CUX2: variants seen among roughly 807,000 people sequenced by gnomAD.
The protein encoded by CUX2 is cut like homeobox 2.
In CUX2, 40 loss-of-function variants were observed where a neutral mutation model predicts 144.8. That is an observed-to-expected ratio of 0.28 (90% CI 0.21 to 0.36). The LOEUF (loss-of-function observed/expected upper bound fraction) is 0.36. CUX2 is among the 10% of genes least tolerant of loss of function. CUX2 has a pLI of 1.00. For synonymous variants in CUX2, 827 were observed against 875.6 expected (o/e 0.94, Z 0.98); for missense variants, 1,615 against 1,994.0 (o/e 0.81, Z 3.62).
At chr12:111,044,369 C>A (rs1392824623) in intron 1 of CUX2, among the ~76,000 whole-genome samples, 2 of 151,926 alleles carry the variant, frequency 1.3e-5, no homozygotes, top group East Asian at 3.9e-4. Context: ...CTCATCCTAT[C>A]CCCCTCCCGT....
At chr12:111,051,091 A>G (rs1045294527) in intron 1 of CUX2, among the ~76,000 whole-genome samples, 1 of 152,240 alleles carries the variant, frequency 6.6e-6, no homozygotes, top group Non-Finnish European at 1.5e-5. Context: ...GAAATATTAC[A>G]TGTATCTCAT....
chr12:111,261,154 A>G (rs1306498383), intron 3 of CUX2, among the ~76,000 whole-genome samples: 1 of 152,064 alleles, frequency 6.6e-6, no homozygotes, highest in Admixed American at 6.6e-5. Context: ...GAATCCCCAG[A>G]CCTGGTGTGA....
Position 111,263,615 on chromosome 12 carries a change from ACTCT to A in CUX2, c.223-140_223-137del, listed in dbSNP as rs372843395. 1.4e-6 allele frequency: 1 copy of A among 708,566 alleles called. No homozygotes were observed. Among genetic ancestry groups the A allele is most frequent in the Middle Eastern group, 2.6e-4 (1 of 3,832 alleles). The allele number at this position is 708,566 out of a possible 1,614,324, so 43.9% of individuals were successfully genotyped here. A position where few individuals can be genotyped will look rare whatever the true frequency, so the allele number is the denominator to read the frequency against. ...ACTCCAGCCTGGGCGACAGAGCAAGACTCTCTCTCAAAAACAAAACAAAACAAAA... is the reference window on the plus strand; with the variant it reads ...ACTCCAGCCTGGGCGACAGAGCAAGACTCTCAAAAACAAAACAAAACAAAA... On this transcript the variant is annotated intron_variant, in intron 3 of 21. Transcript: ENST00000261726. This position sits in a 1 kb window ranked among gnomAD's most constrained non-coding sequence, Gnocchi z 4.0.
chr12:111,338,768 G>A lies in CUX2; in HGVS notation c.3385+294G>A, dbSNP rs180785982. On this transcript the variant is annotated intron_variant, in intron 20 of 21. Coordinates refer to ENST00000261726, the MANE Select transcript of CUX2 (RefSeq NM_015267.4). ...CAGATCACTTGGGAGGCTAAGGCAG[G>A]AGGATTGCTTGAGGATCACTTGGGA... 1.3e-3 allele frequency among the ~76,000 whole-genome samples: 196 copies of A among 152,166 alleles called. No homozygotes were observed. The Middle Eastern group carries it at 0.037, about 29-fold the overall frequency.
intron 1 of CUX2, among the ~76,000 whole-genome samples, chr12:111,072,043 T>C (rs1338599603): frequency 1.3e-5 from 2 of 152,232 alleles, no homozygotes; most frequent in Non-Finnish European, 2.9e-5. Flanking sequence ...TGAAGTTCAG[T>C]AGTGTCAGTC....
At chr12:111,134,952 G>A (rs552294759) in intron 1 of CUX2, among the ~76,000 whole-genome samples, 1 of 152,238 alleles carries the variant, frequency 6.6e-6, no homozygotes, top group Non-Finnish European at 1.5e-5. Flanking sequence ...GGAGAGTAGG[G>A]CAAGGTATTT....
chr12:111,285,609 C>T (rs546853983), intron 4 of CUX2, among the ~76,000 whole-genome samples: 1 of 152,302 alleles, frequency 6.6e-6, no homozygotes, highest in East Asian at 1.9e-4. Flanking sequence ...TCAAGCACCC[C>T]ATTCTGCCAA....
At chr12:111,297,688 C>T (rs562839496) in intron 8 of CUX2, among the ~76,000 whole-genome samples, 2 of 152,316 alleles carry the variant, frequency 1.3e-5, no homozygotes, top group South Asian at 4.1e-4. Context: ...TGCTGTTTAT[C>T]CAGTGCTGTT....
intron 16 of CUX2, among the ~76,000 whole-genome samples, chr12:111,318,880 G>T (rs934194983): frequency 2.6e-5 from 4 of 151,994 alleles, no homozygotes; most frequent in Admixed American, 2.0e-4. Flanking sequence ...GCCCAGGCTG[G>T]TCTCGAACTC....
chr12:111,280,140 C>G (rs543597803), intron 4 of CUX2, among the ~76,000 whole-genome samples: 69 of 151,892 alleles, frequency 4.5e-4, no homozygotes, highest in Non-Finnish European at 8.8e-5. Context: ...AATACAAAAA[C>G]TAGCTGGGCA....
chr12:111,060,092 C>T (rs984719305), intron 1 of CUX2, among the ~76,000 whole-genome samples: 3 of 152,048 alleles, frequency 2.0e-5, no homozygotes, highest in East Asian at 1.9e-4. Context: ...TTATTGAAAC[C>T]GAATCATGAC....
At chr12:111,238,116 G>T (rs996698630) in intron 3 of CUX2, among the ~76,000 whole-genome samples, 1 of 152,308 alleles carries the variant, frequency 6.6e-6, no homozygotes, top group Non-Finnish European at 1.5e-5. Context: ...ACTGCCTTGG[G>T]AAGGCCTTCA....
intron 10 of CUX2, among the ~76,000 whole-genome samples, chr12:111,306,533 G>T (rs555431940): frequency 6.6e-6 from 1 of 152,194 alleles, no homozygotes; most frequent in East Asian, 1.9e-4. Context: ...TGGCTCCAAG[G>T]TGTCAAGTCT....
intron 3 of CUX2, among the ~76,000 whole-genome samples, chr12:111,224,516 C>CTTTTT (rs34109440): frequency 5.2e-5 from 4 of 77,208 alleles, no homozygotes; most frequent in African/African-American, 4.9e-5. Flanking sequence ...AATTACAGGG[C>CTTTTT]TTTTTTTTTT....
chr12:111,291,024 G>A (rs1050321775), intron 4 of CUX2, among the ~76,000 whole-genome samples: 3 of 151,318 alleles, frequency 2.0e-5, no homozygotes, highest in Non-Finnish European at 2.9e-5. Context: ...CACCACACCC[G>A]GCTAATTTTT....
chr12:111,208,485 T>G (rs1372765267), intron 1 of CUX2, among the ~76,000 whole-genome samples: 2 of 152,200 alleles, frequency 1.3e-5, no homozygotes, highest in African/African-American at 4.8e-5. Context: ...AATGCTAGAC[T>G]TGCTTCCCCA....
intron 1 of CUX2, among the ~76,000 whole-genome samples, chr12:111,133,240 G>A (rs1006064233): frequency 6.6e-6 from 1 of 152,034 alleles, no homozygotes; most frequent in Non-Finnish European, 1.5e-5. Flanking sequence ...TTCTAAAGTC[G>A]CTTCCACATT....
At chr12:111,203,162 G>T (rs1880700208) in intron 1 of CUX2, among the ~76,000 whole-genome samples, 1 of 150,726 alleles carries the variant, frequency 6.6e-6, no homozygotes, top group Admixed American at 6.6e-5. Context: ...AACCCAGGAG[G>T]CGGAGGTTGA....
chr12:111,316,304 A>AT (rs1347537397), intron 16 of CUX2, among the ~76,000 whole-genome samples: 1 of 128,360 alleles, frequency 7.8e-6, no homozygotes, highest in Non-Finnish European at 1.5e-5. Context: ...ACGCCCGGTT[A>AT]ATTTTTTTTT....
Sources: gnomAD v4.1 joint callset for allele counts (sites outside exome capture counted in the v4.1 genomes callset) on GRCh38, gnomAD v4.1.1 for gene constraint, Gnocchi (gnomAD v3.1) non-coding constraint, MANE v1.5 for transcripts, NCBI Gene and HGNC (gene_info 2026-07-23, HGNC 2026-07-21) for gene names.